NDUFA5: variants seen among roughly 807,000 people sequenced by gnomAD.
NDUFA5 encodes NADH:ubiquinone oxidoreductase subunit A5.
A neutral mutation model predicts 19.8 loss-of-function variants in NDUFA5; 11 were observed. That is an observed-to-expected ratio of 0.56 (90% confidence interval 0.35 to 0.92). The LOEUF (loss-of-function observed/expected upper bound fraction) is 0.92, where lower values mean the gene tolerates loss of function less well. Ranked by LOEUF, NDUFA5 falls within the 40% of genes least tolerant of loss-of-function variation. NDUFA5 has a pLI of 0.01. For missense variants in NDUFA5, 109 were observed against 134.2 expected (o/e 0.81, Z 0.93); for synonymous variants, 47 against 46.8 (o/e 1.00, Z -0.01).
At chr7:123,557,259 G>C (rs1363766164) in intron 2 of NDUFA5, 145 bp downstream of exon 2, 1 of 1,129,620 alleles carries the variant, frequency 8.9e-7, no homozygotes, top group Non-Finnish European at 1.3e-6. Flanking sequence ...GAAGTAGGTG[G>C]ACAGCGCCCG....
the NDUFA5 span, among the ~76,000 whole-genome samples, chr7:123,591,205 A>G: frequency 6.6e-6 from 1 of 152,220 alleles, no homozygotes; most frequent in Non-Finnish European, 1.5e-5. Flanking sequence ...TTGGGCTGAG[A>G]CAATGGGATT....
chr7:123,546,831 C>G, intron 3 of NDUFA5: 1 of 539,254 alleles, frequency 1.9e-6, no homozygotes. Flanking sequence ...AAAAATACCA[C>G]AAAAGATATA....
chr7:123,567,350 A>T, the NDUFA5 span, among the ~76,000 whole-genome samples: 1 of 152,146 alleles, frequency 6.6e-6, no homozygotes. Flanking sequence ...GAATGTTGGG[A>T]AGTTCTGTAA....
chr7:123,563,688 A>C, the NDUFA5 span, among the ~76,000 whole-genome samples: 1 of 152,236 alleles, frequency 6.6e-6, no homozygotes, highest in Non-Finnish European at 1.5e-5. Context: ...ATATCTGCGA[A>C]GTAAAACAAT....
chr7:123,542,849 C>T (rs1797989617), intron 4 of NDUFA5, among the ~76,000 whole-genome samples: 1 of 152,048 alleles, frequency 6.6e-6, no homozygotes. Context: ...TTTAATTTTT[C>T]CTTTCAAACA....
chr7:123,565,619 G>A, the NDUFA5 span, among the ~76,000 whole-genome samples: 1 of 152,234 alleles, frequency 6.6e-6, no homozygotes, highest in African/African-American at 2.4e-5. Context: ...GGTGGCTCAC[G>A]CCTGTAATCC....
the NDUFA5 span, among the ~76,000 whole-genome samples, chr7:123,593,341 T>C: frequency 6.6e-6 from 1 of 152,192 alleles, no homozygotes; most frequent in South Asian, 2.1e-4. Flanking sequence ...TTTTGCCCGT[T>C]AATTGATGCA....
At chr7:123,557,505 A>G (rs17146099) in intron 1 of NDUFA5, 57 bp from the exon 2 acceptor site, 1 of 1,612,556 alleles carries the variant, frequency 6.2e-7, no homozygotes, top group East Asian at 2.2e-5. Context: ...TACATCCAGC[A>G]CGCTAAGGAA....
chr7:123,580,655 A>G, the NDUFA5 span, among the ~76,000 whole-genome samples: 2 of 151,832 alleles, frequency 1.3e-5, no homozygotes, highest in Non-Finnish European at 2.9e-5. Flanking sequence ...AGTGAATGCA[A>G]CCCTTCTCTA....
At chr7:123,559,331 A>ATCCAGAAGGAAAAGCACAGG (rs1037307813), upstream of NDUFA5, among the ~76,000 whole-genome samples, 4 of 151,256 alleles carry the variant, frequency 2.6e-5, no homozygotes, top group African/African-American at 9.7e-5. Context: ...AAAAAAACCT[A>ATCCAGAAGGAAAAGCACAGG]TCCAGAAGGA....
chr7:123,567,437 T>G, the NDUFA5 span, among the ~76,000 whole-genome samples: 69,088 of 152,002 alleles, frequency 0.45, 15,985 homozygotes, highest in African/African-American at 0.53. Context: ...TGCTTTGTGA[T>G]GCCTCTAGCC....
At chr7:123,559,857 C>T (rs79530556), upstream of NDUFA5, among the ~76,000 whole-genome samples, 6 of 46,508 alleles carry the variant, frequency 1.3e-4, no homozygotes, top group African/African-American at 2.7e-4. Flanking sequence ...TTCCGTCTCA[C>T]AAAAAAAAAA....
chr7:123,589,069 T>C, the NDUFA5 span, among the ~76,000 whole-genome samples: 1 of 151,856 alleles, frequency 6.6e-6, no homozygotes, highest in South Asian at 2.1e-4. Flanking sequence ...GTTAGGTTCA[T>C]TTAGTCTAAA....
chr7:123,539,392 T>G lies in NDUFA5; in HGVS notation c.*2727A>C, dbSNP rs1229476145. 2 of 152,162 alleles carry G rather than the reference T, an allele frequency of 1.3e-5. No individual in the cohort carries two copies. Among genetic ancestry groups the G allele is most frequent in the African/African-American group, 4.8e-5 (2 of 41,446 alleles). The allele number at this position is 152,162 out of a possible 1,614,324, so 9.4% of individuals were successfully genotyped here. A position where few individuals can be genotyped will look rare whatever the true frequency, so the allele number is the denominator to read the frequency against. ...TGGAATCGTCTGCACTAAGTCCCAG[T>G]GTGGGAGAAAGGGGGCATCAACTTT... On this transcript the variant is annotated 3_prime_UTR_variant, in exon 5 of 5. Coordinates refer to ENST00000355749, the MANE Select transcript of NDUFA5 (RefSeq NM_005000.5).
chr7:123,592,163 T>G, the NDUFA5 span, among the ~76,000 whole-genome samples: 1 of 152,242 alleles, frequency 6.6e-6, no homozygotes, highest in Non-Finnish European at 1.5e-5. Flanking sequence ...TCATTTTTTA[T>G]TGCATCTATT....
At chr7:123,582,917 G>T in the NDUFA5 span, among the ~76,000 whole-genome samples, 64 of 152,110 alleles carry the variant, frequency 4.2e-4, 1 homozygote, top group East Asian at 0.012. Context: ...GCTCAGAAAT[G>T]ATAACTTGGT....
chr7:123,562,308 T>G (rs1798699742), upstream of NDUFA5, among the ~76,000 whole-genome samples: 1 of 152,198 alleles, frequency 6.6e-6, no homozygotes, highest in Admixed American at 6.5e-5. Flanking sequence ...GAGCATGGGC[T>G]TCAACAGCTG....
the NDUFA5 span, among the ~76,000 whole-genome samples, chr7:123,591,283 C>A: frequency 6.6e-6 from 1 of 152,084 alleles, no homozygotes; most frequent in Non-Finnish European, 1.5e-5. Context: ...TGATTGAATA[C>A]CCTATATTTC....
At chr7:123,580,037 T>A in the NDUFA5 span, among the ~76,000 whole-genome samples, 1 of 151,682 alleles carries the variant, frequency 6.6e-6, no homozygotes, top group Admixed American at 6.6e-5. Context: ...AAAATAAATA[T>A]GATAGGGAAA....
Sources: allele counts gnomAD v4.1 joint callset (sites outside exome capture counted in the v4.1 genomes callset), GRCh38; gene constraint gnomAD v4.1.1; transcripts MANE v1.5; gene names NCBI Gene and HGNC (gene_info 2026-07-23, HGNC 2026-07-21).